The following PDE1C variants were observed in gnomAD, a reference collection of about 807,000 sequenced individuals.
The protein encoded by PDE1C is dual specificity calcium/calmodulin-dependent 3',5'-cyclic nucleotide phosphodiesterase 1C.
PDE1C carries 62 observed loss-of-function variants against 93.1 expected under a neutral mutation model. The observed-to-expected ratio is 0.67, with a 90% CI of 0.54 to 0.82. The LOEUF is 0.82. Among genes scored for constraint, PDE1C ranks in the 40% least tolerant of loss-of-function variants. The pLI, the probability that PDE1C is intolerant of heterozygous loss-of-function variation, is 0.00. For missense variants in PDE1C, 742 were observed against 884.6 expected (o/e 0.84, Z 2.04); for synonymous variants, 325 against 310.1 (o/e 1.05, Z -0.50).
chr7:32,110,547 G>A (rs959563650), intron 3 of PDE1C, among the ~76,000 whole-genome samples: 1 of 152,144 alleles, frequency 6.6e-6, no homozygotes, highest in Non-Finnish European at 1.5e-5. Flanking sequence ...CTAATAAGAT[G>A]CCAATGAATC....
chr7:31,644,457 G>A, the PDE1C span, among the ~76,000 whole-genome samples: 1 of 152,180 alleles, frequency 6.6e-6, no homozygotes, highest in Non-Finnish European at 1.5e-5. Flanking sequence ...GAAATCTCTA[G>A]GTAATGTTAA....
intron 2 of PDE1C, among the ~76,000 whole-genome samples, chr7:32,187,497 T>C (rs973826470): frequency 1.3e-5 from 2 of 152,212 alleles, no homozygotes; most frequent in Non-Finnish European, 2.9e-5. Flanking sequence ...GTTATTTTAA[T>C]ATTAAGATGT....
At chr7:31,707,791 G>T in the PDE1C span, 3,471 of 154,854 alleles carry the variant, frequency 0.022, 53 homozygotes, top group Non-Finnish European at 0.035. Flanking sequence ...TATCTTAAGA[G>T]TCCAAATGTC....
At chr7:32,386,889 T>A (rs549881570) in intron 1 of PDE1C, among the ~76,000 whole-genome samples, 79 of 152,220 alleles carry the variant, frequency 5.2e-4, no homozygotes, top group Non-Finnish European at 6.3e-4. Flanking sequence ...TTTTATTTTT[T>A]TTTTTATTGA....
At chr7:32,236,278 G>GT (rs1485667339) in intron 1 of PDE1C, among the ~76,000 whole-genome samples, 1 of 151,872 alleles carries the variant, frequency 6.6e-6, no homozygotes, top group Non-Finnish European at 1.5e-5. Flanking sequence ...GACAACAAAA[G>GT]TAAGATCCAT....
At chr7:32,196,437 C>G (rs1422129915) in intron 2 of PDE1C, among the ~76,000 whole-genome samples, 1 of 151,966 alleles carries the variant, frequency 6.6e-6, no homozygotes, top group Non-Finnish European at 1.5e-5. Context: ...AGCTCGAAGT[C>G]TATGGTATAT....
intron 16 of PDE1C, among the ~76,000 whole-genome samples, chr7:31,776,539 G>A (rs561796713): frequency 6.6e-6 from 1 of 152,236 alleles, no homozygotes; most frequent in Non-Finnish European, 1.5e-5. Flanking sequence ...GACAAAGGGA[G>A]AACTGAGAGG....
chr7:32,409,166 G>A (rs1393240524), intron 1 of PDE1C, among the ~76,000 whole-genome samples: 2 of 152,062 alleles, frequency 1.3e-5, no homozygotes, highest in Non-Finnish European at 2.9e-5. Flanking sequence ...AGACCAGCCT[G>A]GGCAACATGG....
chr7:32,124,761 C>T (rs1799480554), intron 3 of PDE1C, among the ~76,000 whole-genome samples: 1 of 152,142 alleles, frequency 6.6e-6, no homozygotes, highest in Non-Finnish European at 1.5e-5. Context: ...AAGCCCTAAA[C>T]CATAAAAACC....
Position 31,846,228 on chromosome 7 carries a change from T to C in PDE1C, c.980+1740A>G, listed in dbSNP as rs902717142. On this transcript the variant is annotated intron_variant, in intron 9 of 17. Coordinates refer to ENST00000396191, the MANE Select transcript of PDE1C (RefSeq NM_001191057.4). ...TTATACATACTTTTACTTTTCTTTTTTTTTCTTTTTTTTTTTTTTTTGAGA... is the reference window on the plus strand; with the variant it reads ...TTATACATACTTTTACTTTTCTTTTCTTTTCTTTTTTTTTTTTTTTTGAGA... Among the ~76,000 whole-genome samples, 802 of 149,344 alleles carry C rather than the reference T, an allele frequency of 5.4e-3. 6 individuals are homozygous for C. The highest frequency in any genetic ancestry group is 0.019 in the African/African-American group (758 of 40,460).
At chr7:32,085,337 G>C (rs1030937162) in intron 3 of PDE1C, among the ~76,000 whole-genome samples, 15 of 127,724 alleles carry the variant, frequency 1.2e-4, no homozygotes, top group Admixed American at 1.1e-3. Context: ...CCAATAACAG[G>C]CTCTGAAATT....
At chr7:31,840,031 C>T (rs1444100659) in intron 9 of PDE1C, among the ~76,000 whole-genome samples, 1 of 152,098 alleles carries the variant, frequency 6.6e-6, no homozygotes, top group East Asian at 1.9e-4. Context: ...AGAGAGACTG[C>T]ATCTCAATTA....
intron 1 of PDE1C, among the ~76,000 whole-genome samples, chr7:32,343,189 A>G (rs1783791117): frequency 6.6e-6 from 1 of 152,220 alleles, no homozygotes; most frequent in East Asian, 1.9e-4. Context: ...GATCTGCCCC[A>G]TCAGCATCAA....
chr7:31,750,358 C>T (rs1253447239), downstream of PDE1C, among the ~76,000 whole-genome samples: 1 of 152,054 alleles, frequency 6.6e-6, no homozygotes, highest in African/African-American at 2.4e-5. Flanking sequence ...GAAGCTGGTG[C>T]CTGTGGGAAT....
chr7:31,673,688 T>G, the PDE1C span, among the ~76,000 whole-genome samples: 1 of 147,140 alleles, frequency 6.8e-6, no homozygotes, highest in African/African-American at 2.6e-5. Context: ...ATCTGGAATT[T>G]ATGCTGGTAT....
chr7:31,774,016 G>T (rs1434800039), intron 17 of PDE1C, among the ~76,000 whole-genome samples: 3 of 152,178 alleles, frequency 2.0e-5, no homozygotes, highest in Non-Finnish European at 4.4e-5. Flanking sequence ...CGGATGTGGA[G>T]TCCACTTGTT....
intron 2 of PDE1C, among the ~76,000 whole-genome samples, chr7:31,970,251 T>C (rs1003107034): frequency 6.6e-6 from 1 of 152,190 alleles, no homozygotes; most frequent in African/African-American, 2.4e-5. Flanking sequence ...AGTGGACAGT[T>C]TGCAGATAAG....
chr7:31,637,136 T>C, the PDE1C span, among the ~76,000 whole-genome samples: 6 of 151,980 alleles, frequency 3.9e-5, no homozygotes, highest in East Asian at 1.9e-4. Context: ...CAGTCTATCG[T>C]TGTTGGACAT....
At chr7:32,109,647 C>T (rs1383137635) in intron 3 of PDE1C, among the ~76,000 whole-genome samples, 4 of 152,170 alleles carry the variant, frequency 2.6e-5, no homozygotes, top group African/African-American at 4.8e-5. Flanking sequence ...CTGAGAATCA[C>T]TGGTCTAAAT....
Sources: allele counts gnomAD v4.1 joint callset (sites outside exome capture counted in the v4.1 genomes callset), GRCh38; gene constraint gnomAD v4.1.1; transcripts MANE v1.5; gene names NCBI Gene and HGNC (gene_info 2026-07-23, HGNC 2026-07-21).